Variants in NAALADL2 observed in about 807,000 individuals in gnomAD.
NAALADL2 encodes the protein inactive N-acetylated-alpha-linked acidic dipeptidase-like protein 2.
NAALADL2 carries 76 observed loss-of-function variants against 87.2 expected under a neutral mutation model. The observed-to-expected ratio is 0.87, with a 90% confidence interval of 0.72 to 1.05. The LOEUF (loss-of-function observed/expected upper bound fraction) is 1.05, where lower values mean the gene tolerates loss of function less well. Among genes scored for constraint, NAALADL2 ranks in the 50% least tolerant of loss-of-function variants. The pLI is 0.00. For missense variants in NAALADL2, 1,089 were observed against 945.8 expected (o/e 1.15, Z -1.99); for synonymous variants, 354 against 331.0 (o/e 1.07, Z -0.75).
At chr3:175,781,063 T>TAGTC (rs1750997211) in intron 13 of NAALADL2, among the ~76,000 whole-genome samples, 2 of 152,222 alleles carry the variant, frequency 1.3e-5, no homozygotes, top group African/African-American at 4.8e-5. Context: ...TTTCAATTTG[T>TAGTC]AGTCAACACT....
intron 10 of NAALADL2, 70 bp from the exon 11 acceptor site, chr3:175,627,221 A>G: frequency 7.9e-7 from 1 of 1,261,116 alleles, no homozygotes; most frequent in South Asian, 1.4e-5. Flanking sequence ...TCTTTAAGGA[A>G]AATCCAATAA....
At chr3:174,574,132 TCTA>T (rs1309198110) in intron 2 of NAALADL2, among the ~76,000 whole-genome samples, 5 of 152,202 alleles carry the variant, frequency 3.3e-5, no homozygotes, top group South Asian at 2.1e-4. Context: ...CTATATAACT[TCTA>T]CTCATCTTCA....
intron 13 of NAALADL2, among the ~76,000 whole-genome samples, chr3:175,779,824 T>A (rs1217313545): frequency 6.6e-6 from 1 of 152,214 alleles, no homozygotes; most frequent in African/African-American, 2.4e-5. Flanking sequence ...ATCAGCCCTT[T>A]GTTTCTTAGG....
intron 1 of NAALADL2, among the ~76,000 whole-genome samples, chr3:174,928,154 G>T (rs1046085526): frequency 6.6e-5 from 10 of 152,146 alleles, no homozygotes; most frequent in African/African-American, 2.4e-4. Flanking sequence ...AATTCATTCA[G>T]TTCACCATGT....
chr3:175,521,538 G>A (rs1327100082), intron 9 of NAALADL2, among the ~76,000 whole-genome samples: 3 of 152,114 alleles, frequency 2.0e-5, no homozygotes, highest in Non-Finnish European at 4.4e-5. Flanking sequence ...AGTACTGATG[G>A]ATGTTACTTT....
intron 5 of NAALADL2, among the ~76,000 whole-genome samples, chr3:175,338,034 G>T (rs1035456359): frequency 1.3e-5 from 2 of 152,126 alleles, no homozygotes; most frequent in Non-Finnish European, 2.9e-5. Flanking sequence ...AACTTTCACA[G>T]CTTTTACACT....
At chr3:175,755,454 C>G in intron 13 of NAALADL2, 36 bp downstream of exon 13, 1 of 1,462,372 alleles carries the variant, frequency 6.8e-7, no homozygotes, top group Non-Finnish European at 9.2e-7. Flanking sequence ...ACTTTTTGCC[C>G]TACATTAAAT....
chr3:175,412,930 T>TTATTATTATTA lies in NAALADL2; in HGVS notation c.1091-34298_1091-34297insATTATTATTAT, dbSNP rs1560510690. Among the ~76,000 whole-genome samples the TTATTATTATTA allele has an allele frequency of 9.5e-3, 178 of 18,676 alleles. 1 individual carries two copies. The highest frequency in any genetic ancestry group is 0.034 in the African/African-American group (174 of 5,164). The allele number at this position is 18,676 out of a possible 152,430, so 12.3% of individuals were successfully genotyped here. A position where few individuals can be genotyped will look rare whatever the true frequency, so the allele number is the denominator to read the frequency against. Reference sequence around the variant, plus strand: ...TATTATTATTATTATTATTATTATTTTTGAGACGGAGTCTCCCTCTGTCTG... The same window carrying TTATTATTATTA: ...TATTATTATTATTATTATTATTATTTTATTATTATTATTGAGACGGAGTCTCCCTCTGTCTG... On this transcript the variant is annotated intron_variant, in intron 5 of 13. Transcript: ENST00000454872.
At chr3:174,752,877 C>T (rs1734975658) in intron 3 of NAALADL2, among the ~76,000 whole-genome samples, 1 of 152,132 alleles carries the variant, frequency 6.6e-6, no homozygotes. Context: ...TCTTCTGCTA[C>T]AGCTGAACAT....
chr3:174,902,161 A>T (rs1732394309), intron 1 of NAALADL2, among the ~76,000 whole-genome samples: 1 of 152,140 alleles, frequency 6.6e-6, no homozygotes. Context: ...AGTCTAAGAG[A>T]AATAGCTAAA....
intron 3 of NAALADL2, among the ~76,000 whole-genome samples, chr3:174,840,065 A>C (rs1723841478): frequency 6.6e-6 from 1 of 151,976 alleles, no homozygotes; most frequent in Non-Finnish European, 1.5e-5. Context: ...TTTATATAGC[A>C]GCACAATTCG....
chr3:175,137,694 G>A (rs1729330967), intron 2 of NAALADL2, among the ~76,000 whole-genome samples: 1 of 151,090 alleles, frequency 6.6e-6, no homozygotes. Context: ...CTACCTCCTG[G>A]GTTCAAGTGA....
intron 2 of NAALADL2, among the ~76,000 whole-genome samples, chr3:174,636,669 G>T (rs1722680779): frequency 6.6e-6 from 1 of 152,078 alleles, no homozygotes; most frequent in African/African-American, 2.4e-5. Context: ...ATGTTGGCAA[G>T]GATACAGAGA....
chr3:175,484,912 G>A (rs1035655736), intron 9 of NAALADL2, among the ~76,000 whole-genome samples: 3 of 152,130 alleles, frequency 2.0e-5, no homozygotes, highest in Non-Finnish European at 4.4e-5. Flanking sequence ...CTCTTTGCCT[G>A]TGTACACTAG....
chr3:175,014,790 T>A (rs1750605533), intron 1 of NAALADL2, among the ~76,000 whole-genome samples: 1 of 152,124 alleles, frequency 6.6e-6, no homozygotes, highest in Non-Finnish European at 1.5e-5. Flanking sequence ...ATAATGGAAG[T>A]GTAAAATTCA....
intron 13 of NAALADL2, among the ~76,000 whole-genome samples, chr3:175,780,137 G>T (rs1474091149): frequency 6.6e-6 from 1 of 151,506 alleles, no homozygotes; most frequent in African/African-American, 2.4e-5. Flanking sequence ...TTAGCCGGGC[G>T]TGGTGGTGGG....
rs1350389568 is a variant in NAALADL2, at chr3:175,785,757, C to T, written c.2190-17248C>T. ...TTTGATCCTGTCATTATGATGTTAG[C>T]TGGTGATTTTGCTCGTTAGTTGATG... On this transcript the variant is annotated intron_variant, in intron 13 of 13. Transcript: ENST00000454872. 2.7e-5 allele frequency among the ~76,000 whole-genome samples: 4 copies of T among 148,438 alleles called. No individual in the cohort carries two copies. The East Asian group carries it at 5.9e-4, about 22-fold the overall frequency.
intron 1 of NAALADL2, chr3:174,513,580 G>A (rs1719745671): frequency 1.3e-5 from 2 of 152,110 alleles, no homozygotes; most frequent in Non-Finnish European, 2.9e-5. Flanking sequence ...GGTAAAAGAG[G>A]AATTTCATAT....
At chr3:175,391,106 T>G (rs1769013142) in intron 5 of NAALADL2, among the ~76,000 whole-genome samples, 1 of 152,216 alleles carries the variant, frequency 6.6e-6, no homozygotes, top group Non-Finnish European at 1.5e-5. Context: ...TTCAGTAATT[T>G]TCCTCACCAA....
Sources: gnomAD v4.1 joint callset for allele counts (sites outside exome capture counted in the v4.1 genomes callset) on GRCh38, gnomAD v4.1.1 for gene constraint, MANE v1.5 for transcripts, NCBI Gene and HGNC (gene_info 2026-07-23, HGNC 2026-07-21) for gene names.